GABRG3: variants seen among roughly 807,000 people sequenced by gnomAD.
The protein encoded by GABRG3 is gamma-aminobutyric acid receptor subunit gamma-3.
A neutral mutation model predicts 48.8 loss-of-function variants in GABRG3; 25 were observed. That is an observed-to-expected ratio of 0.51 (90% CI 0.37 to 0.72). The LOEUF (loss-of-function observed/expected upper bound fraction) is 0.72, where lower values mean the gene tolerates loss of function less well. Ranked by LOEUF, GABRG3 falls within the 30% of genes least tolerant of loss-of-function variation. The pLI is 0.00. For missense variants in GABRG3, 394 were observed against 577.9 expected (o/e 0.68, Z 3.26); for synonymous variants, 227 against 217.6 (o/e 1.04, Z -0.38).
chr15:27,473,397 A>G (rs1267388841), intron 5 of GABRG3, among the ~76,000 whole-genome samples: 1 of 152,208 alleles, frequency 6.6e-6, no homozygotes, highest in Non-Finnish European at 1.5e-5. Flanking sequence ...TTACAGGGGA[A>G]AGTGCTATGT....
At chr15:26,983,521 C>T (rs1895093727) in intron 2 of GABRG3, among the ~76,000 whole-genome samples, 1 of 152,160 alleles carries the variant, frequency 6.6e-6, no homozygotes, top group Non-Finnish European at 1.5e-5. Flanking sequence ...TTAAAAATGA[C>T]ATTAAGATGG....
intron 3 of GABRG3, among the ~76,000 whole-genome samples, chr15:27,283,916 T>C (rs1313291442): frequency 2.0e-5 from 3 of 152,230 alleles, no homozygotes; most frequent in Non-Finnish European, 2.9e-5. Flanking sequence ...GATAAGTCTA[T>C]TTCATCTTCT....
chr15:27,154,478 A>G (rs990514436), intron 3 of GABRG3, among the ~76,000 whole-genome samples: 2 of 152,180 alleles, frequency 1.3e-5, no homozygotes, highest in African/African-American at 4.8e-5. Flanking sequence ...TCTATGTTGT[A>G]GATGTTTATC....
At chr15:27,071,978 G>A (rs1441648068) in intron 3 of GABRG3, among the ~76,000 whole-genome samples, 1 of 152,176 alleles carries the variant, frequency 6.6e-6, no homozygotes, top group East Asian at 1.9e-4. Context: ...TACTAAATCA[G>A]GACGGTATTT....
intron 5 of GABRG3, among the ~76,000 whole-genome samples, chr15:27,386,018 G>A (rs974486338): frequency 6.6e-6 from 1 of 152,026 alleles, no homozygotes; most frequent in African/African-American, 2.4e-5. Flanking sequence ...TGATATCCCC[G>A]GGCTGTGTTA....
chr15:27,082,463 A>C (rs1249628216), intron 3 of GABRG3, among the ~76,000 whole-genome samples: 3 of 152,196 alleles, frequency 2.0e-5, no homozygotes, highest in Non-Finnish European at 2.9e-5. Context: ...AAGACAAAAA[A>C]AATTCTGCAG....
chr15:27,478,118 T>C (rs543682858), intron 5 of GABRG3, among the ~76,000 whole-genome samples: 42 of 152,092 alleles, frequency 2.8e-4, no homozygotes, highest in African/African-American at 1.0e-3. Context: ...GAATGTACTT[T>C]ATGCCGCCAA....
rs1887885506 is a variant in GABRG3, at chr15:27,180,236, T to G, written c.271-146573T>G. Among the ~76,000 whole-genome samples, 1 of 152,158 alleles carries G rather than the reference T, an allele frequency of 6.6e-6. No individual in the cohort carries two copies. The highest frequency in any genetic ancestry group is 2.4e-5 in the African/African-American group (1 of 41,414). On this transcript the variant is annotated intron_variant, in intron 3 of 9. Transcript: ENST00000615808. The surrounding 1 kb of genome is among the most constrained non-coding windows in gnomAD (Gnocchi z 4.2). ...ACCTTAGCACGGTCTAAATAAAGTT[T>G]GTAAACCACTGATGTAGAAGAGGGA... is the stretch of plus-strand genomic sequence containing the variant.
chr15:27,340,779 G>A (rs1296746820), intron 5 of GABRG3: 5 of 175,914 alleles, frequency 2.8e-5, no homozygotes, highest in Admixed American at 1.2e-4. Context: ...CGAAAGTGCT[G>A]TCTTACTGAT....
chr15:27,463,568 C>A (rs1339183865), intron 5 of GABRG3, among the ~76,000 whole-genome samples: 1 of 152,150 alleles, frequency 6.6e-6, no homozygotes, highest in Non-Finnish European at 1.5e-5. Context: ...GCACAATTTG[C>A]AAAAGTGAGA....
At chr15:27,482,358 C>T (rs1052198500) in intron 6 of GABRG3, among the ~76,000 whole-genome samples, 2 of 152,210 alleles carry the variant, frequency 1.3e-5, no homozygotes, top group African/African-American at 4.8e-5. Context: ...TCACGCCCTG[C>T]CTGCAGCTGG....
intron 3 of GABRG3, among the ~76,000 whole-genome samples, chr15:27,128,772 C>G (rs1897865461): frequency 6.6e-6 from 1 of 152,220 alleles, no homozygotes; most frequent in Non-Finnish European, 1.5e-5. Flanking sequence ...GTGACAATTT[C>G]TGGGGTTCTC....
chr15:27,292,049 G>C (rs549427983), intron 3 of GABRG3, among the ~76,000 whole-genome samples: 2 of 152,286 alleles, frequency 1.3e-5, no homozygotes, highest in African/African-American at 4.8e-5. Context: ...TTGGTTTTCT[G>C]TTCTTGTATT....
intron 5 of GABRG3, among the ~76,000 whole-genome samples, chr15:27,335,861 A>G (rs965905421): frequency 6.6e-6 from 1 of 152,314 alleles, no homozygotes; most frequent in East Asian, 1.9e-4. Flanking sequence ...TATACTAAAA[A>G]CTGAACAACA....
intron 5 of GABRG3, among the ~76,000 whole-genome samples, chr15:27,337,992 C>T (rs1894032486): frequency 6.6e-6 from 1 of 152,144 alleles, no homozygotes; most frequent in South Asian, 2.1e-4. Flanking sequence ...TCAACTAGGA[C>T]TGTTATTAAT....
chr15:27,433,952 C>A (rs1381841394), intron 5 of GABRG3, among the ~76,000 whole-genome samples: 1 of 152,156 alleles, frequency 6.6e-6, no homozygotes, highest in East Asian at 1.9e-4. Flanking sequence ...TACCTCCCCC[C>A]AAATGTTTAG....
intron 5 of GABRG3, among the ~76,000 whole-genome samples, chr15:27,403,950 G>T (rs1485287644): frequency 2.0e-5 from 3 of 148,842 alleles, no homozygotes; most frequent in Non-Finnish European, 4.4e-5. Flanking sequence ...AACCGGGCTT[G>T]GTAGCTCACG....
intron 5 of GABRG3, among the ~76,000 whole-genome samples, chr15:27,405,024 C>A (rs1887589809): frequency 6.6e-6 from 1 of 152,148 alleles, no homozygotes; most frequent in Admixed American, 6.5e-5. Flanking sequence ...GAAGAATAAG[C>A]AAATGGACAA....
In GABRG3 at chr15:27,145,603, C is replaced by CTCTATCTATCTATCTA. The variant is rs140259026; in HGVS notation, c.270+118828_270+118843dup. Among the ~76,000 whole-genome samples the CTCTATCTATCTATCTA allele has an allele frequency of 1.8e-3, 180 of 102,382 alleles. 2 individuals are homozygous for CTCTATCTATCTATCTA. The highest frequency in any genetic ancestry group is 8.1e-3 in the East Asian group (35 of 4,336). 67.2% of individuals were successfully genotyped at this position (102,382 alleles called of 152,430 possible). On this transcript the variant is annotated intron_variant, in intron 3 of 9. Coordinates refer to ENST00000615808, the MANE Select transcript of GABRG3 (RefSeq NM_033223.5). Reference sequence around the variant, plus strand: ...ACTAGGCATATATACATATATCTATCTCTATCTATCTATCTATCTATCTAT... The same window carrying CTCTATCTATCTATCTA: ...ACTAGGCATATATACATATATCTATCTCTATCTATCTATCTATCTATCTATCTATCTATCTATCTAT...
Sources: allele counts gnomAD v4.1 joint callset (sites outside exome capture counted in the v4.1 genomes callset), GRCh38; gene constraint gnomAD v4.1.1; non-coding constraint Gnocchi (gnomAD v3.1); transcripts MANE v1.5; gene names NCBI Gene and HGNC (gene_info 2026-07-23, HGNC 2026-07-21).